Variants in AOPEP observed in about 807,000 individuals in gnomAD.
AOPEP encodes aminopeptidase O.
Under a neutral mutation model 98.1 loss-of-function variants are expected in AOPEP, and 77 were observed. The observed-to-expected ratio is 0.78, with a 90% CI of 0.65 to 0.95. AOPEP has a LOEUF of 0.95. Ranked by LOEUF, AOPEP falls within the 40% of genes least tolerant of loss-of-function variation. AOPEP has a pLI of 0.00. For synonymous variants in AOPEP, 346 were observed against 365.3 expected, an observed-to-expected ratio of 0.95 and a Z score of 0.60; for missense variants, 1,024 against 1,024.7, an observed-to-expected ratio of 1.00 and a Z score of 0.01.
At chr9:94,739,383 G>C (rs1487618809) in intron 1 of AOPEP, among the ~76,000 whole-genome samples, 1 of 152,134 alleles carries the variant, frequency 6.6e-6, no homozygotes, top group Admixed American at 6.5e-5. Context: ...AGTGGCTCAC[G>C]CCTGTAATCC....
At chr9:94,744,838 T>C (rs1362426833) in intron 1 of AOPEP, among the ~76,000 whole-genome samples, 6 of 152,138 alleles carry the variant, frequency 3.9e-5, no homozygotes, top group Non-Finnish European at 1.5e-5. Context: ...CTTTAAGTGC[T>C]CTAAACATTG....
chr9:94,761,758 G>C (rs1178131308), intron 2 of AOPEP, among the ~76,000 whole-genome samples: 1 of 152,052 alleles, frequency 6.6e-6, no homozygotes, highest in Admixed American at 6.5e-5. Flanking sequence ...GAAATTGCAG[G>C]GTTGGTGCAA....
the AOPEP span, among the ~76,000 whole-genome samples, chr9:95,132,466 T>C: frequency 6.6e-6 from 1 of 152,208 alleles, no homozygotes. Flanking sequence ...GATTATGGTC[T>C]TCCCGTGCCC....
intron 5 of AOPEP, among the ~76,000 whole-genome samples, chr9:94,839,272 G>A (rs2042007724): frequency 6.6e-6 from 1 of 151,722 alleles, no homozygotes; most frequent in African/African-American, 2.4e-5. Flanking sequence ...TTTTTTTTTG[G>A]TAGAGACGGG....
intron 2 of AOPEP, among the ~76,000 whole-genome samples, chr9:94,771,548 C>T (rs1167380195): frequency 6.6e-6 from 1 of 152,230 alleles, no homozygotes; most frequent in Non-Finnish European, 1.5e-5. Context: ...CTCCAAGTGA[C>T]AAGGAACTTC....
chr9:94,886,943 T>C (rs2135972674), intron 5 of AOPEP, among the ~76,000 whole-genome samples: 1 of 152,316 alleles, frequency 6.6e-6, no homozygotes, highest in East Asian at 1.9e-4. Flanking sequence ...GTAATATAGA[T>C]TAAAATACAG....
At position 94,753,121 on chromosome 9, in the gene AOPEP, G is replaced by C. The variant is rs560700331; in HGVS notation, c.-135-6528G>C. The stretch of plus-strand genomic sequence containing the variant: ...TCATAAGATGTAGAAGAGTGGCCCA[G>C]CTGACTGTTACCCACATTCATGACC... On this transcript the variant is annotated intron_variant, in intron 1 of 16. Coordinates refer to ENST00000375315, the MANE Select transcript of AOPEP (RefSeq NM_001193329.3). Among the ~76,000 whole-genome samples the C allele has an allele frequency of 5.3e-5, 8 of 152,278 alleles. No homozygotes were observed. The South Asian group carries it at 1.7e-3, about 32-fold the overall frequency.
At chr9:94,866,821 T>C (rs997706199) in intron 5 of AOPEP, among the ~76,000 whole-genome samples, 4 of 152,228 alleles carry the variant, frequency 2.6e-5, no homozygotes, top group Non-Finnish European at 5.9e-5. Context: ...AATTGGATTT[T>C]TTAGACTGTT....
chr9:94,744,475 C>T (rs1185548453), intron 1 of AOPEP, among the ~76,000 whole-genome samples: 2 of 151,692 alleles, frequency 1.3e-5, no homozygotes, highest in African/African-American at 2.4e-5. Context: ...CCAAGGTGGG[C>T]GGATCACCTG....
chr9:95,101,680 C>T, the AOPEP span: 27 of 1,612,524 alleles, frequency 1.7e-5, no homozygotes, highest in Admixed American at 6.7e-5. Context: ...TCCCTCACGC[C>T]GGGCACCCAC....
At chr9:94,815,987 C>A (rs914976647) in intron 5 of AOPEP, among the ~76,000 whole-genome samples, 3 of 152,092 alleles carry the variant, frequency 2.0e-5, no homozygotes, top group African/African-American at 7.2e-5. Context: ...AAGTGTGTCC[C>A]TAGTTAAATT....
chr9:94,732,348 A>G (rs1830753189), intron 1 of AOPEP, among the ~76,000 whole-genome samples: 1 of 152,150 alleles, frequency 6.6e-6, no homozygotes, highest in African/African-American at 2.4e-5. Context: ...TTAAAAACAC[A>G]ACTGTCTTAT....
At chr9:94,731,172 C>T (rs1056370109) in intron 1 of AOPEP, among the ~76,000 whole-genome samples, 1 of 152,112 alleles carries the variant, frequency 6.6e-6, no homozygotes, top group Non-Finnish European at 1.5e-5. Context: ...ATAATCATTT[C>T]CCCCAACTTT....
At chr9:94,746,021 G>A (rs1431403595) in intron 1 of AOPEP, among the ~76,000 whole-genome samples, 1 of 152,100 alleles carries the variant, frequency 6.6e-6, no homozygotes. Context: ...TCTTCACATC[G>A]TTGCTTGCGT....
At chr9:94,804,663 G>T (rs117396664) in intron 5 of AOPEP, among the ~76,000 whole-genome samples, 1 of 152,164 alleles carries the variant, frequency 6.6e-6, no homozygotes, top group South Asian at 2.1e-4. Context: ...TTTATCAAGC[G>T]TATACTGTGT....
At chr9:94,837,851 A>C (rs1017438041) in intron 5 of AOPEP, among the ~76,000 whole-genome samples, 2 of 152,252 alleles carry the variant, frequency 1.3e-5, no homozygotes, top group Non-Finnish European at 2.9e-5. Flanking sequence ...GAACTGAAAT[A>C]AGATAAGGAT....
chr9:95,005,129 A>G, intron 11 of AOPEP, 29 bp from the exon 12 acceptor site: 1 of 1,111,896 alleles, frequency 9.0e-7, no homozygotes. Context: ...CTCCCGCGGT[A>G]AACTTGACTG....
chr9:94,979,412 T>C lies in AOPEP; in HGVS notation c.1962T>C (p.Ser654=). 1 of 1,599,214 alleles carries C rather than the reference T, an allele frequency of 6.3e-7. No individual in the cohort carries two copies. The highest frequency in any genetic ancestry group is 8.5e-7 in the Non-Finnish European group (1 of 1,170,390). The part of the protein sequence containing the change: ...VENIYQDWLE[S]SGIPKPLQRE... Reference sequence around the variant, plus strand: ...ACATCTACCAAGACTGGCTTGAGAGTTCCGGAATACCAAAGGTAACTCAAG... The same window carrying C: ...ACATCTACCAAGACTGGCTTGAGAGCTCCGGAATACCAAAGGTAACTCAAG... Residue 654 remains serine (S), a synonymous_variant, in exon 11 of 17, where the codon AGT becomes AGC. Coordinates refer to ENST00000375315, the MANE Select transcript of AOPEP (RefSeq NM_001193329.3).
At chr9:94,763,377 C>G (rs1184362973) in intron 2 of AOPEP, 17 of 224,908 alleles carry the variant, frequency 7.6e-5, no homozygotes, top group Non-Finnish European at 1.4e-4. Context: ...CCCACCTGTA[C>G]TGTATCCCAG....
Sources: allele counts gnomAD v4.1 joint callset (sites outside exome capture counted in the v4.1 genomes callset), GRCh38; gene constraint gnomAD v4.1.1; transcripts MANE v1.5; gene names NCBI Gene and HGNC (gene_info 2026-07-23, HGNC 2026-07-21).